Variants in SHOX observed in about 807,000 individuals in gnomAD.
SHOX encodes short stature homeobox protein.
In SHOX, 12 loss-of-function variants were observed where a neutral mutation model predicts 29.6. The ratio of observed to expected loss-of-function variants is 0.41; its 90% CI spans 0.26 to 0.66. The LOEUF (loss-of-function observed/expected upper bound fraction) is 0.66. Among genes scored for constraint, SHOX ranks in the 30% least tolerant of loss-of-function variants. The pLI is 0.35. For missense variants in SHOX, 499 were observed against 437.7 expected (o/e 1.14, Z -1.25); for synonymous variants, 214 against 200.6 (o/e 1.07, Z -0.57).
Position 625,613 on chromosome X carries a change from T to G in SHOX, c.-433+1011T>G, listed in dbSNP as rs1466234989. On this transcript the variant is annotated intron_variant, in intron 1 of 5. Transcript: ENST00000334060. ...CTTTCTCTCTCTCCTCTCTCTCTTTTTCTCTGTCTCTGTCTGTATCTCTAT... is the reference window on the plus strand; with the variant it reads ...CTTTCTCTCTCTCCTCTCTCTCTTTGTCTCTGTCTCTGTCTGTATCTCTAT... 1.1e-3 allele frequency among the ~76,000 whole-genome samples: 161 copies of G among 149,704 alleles called. 4 individuals are homozygous for G. The highest frequency in any genetic ancestry group is 6.3e-3 in the South Asian group (29 of 4,586).
chrX:628,583 CTG>C (rs1391455231), upstream of SHOX, among the ~76,000 whole-genome samples: 6 of 66,516 alleles, frequency 9.0e-5, no homozygotes, highest in Non-Finnish European at 2.0e-4. Context: ...CTCTCCCTGT[CTG>C]TGTCTCTCTT....
At chrX:636,251 AATAT>A (rs1210669171) in intron 2 of SHOX, among the ~76,000 whole-genome samples, 1 of 145,284 alleles carries the variant, frequency 6.9e-6, no homozygotes, top group Non-Finnish European at 1.5e-5. Context: ...AAACATATAT[AATAT>A]ATAAACATAA....
intron 1 of SHOX, chrX:624,694 C>CTCTT (rs768701203): frequency 1.0e-4 from 8 of 78,944 alleles, no homozygotes; most frequent in African/African-American, 4.6e-4. Context: ...TCCTCTCTTC[C>CTCTT]TCTTTCTTTT....
At chrX:640,696 C>A in intron 2 of SHOX, 125 bp from the exon 3 acceptor site, 1 of 1,017,284 alleles carries the variant, frequency 9.8e-7, no homozygotes, top group Non-Finnish European at 1.6e-6. Flanking sequence ...GGGCGCCCAC[C>A]ATCAGTCACC....
intron 1 of SHOX, 83 bp from the exon 2 acceptor site, chrX:634,535 C>T: frequency 6.8e-7 from 1 of 1,467,096 alleles, no homozygotes; most frequent in Non-Finnish European, 9.4e-7. Context: ...GGCCCCCTTT[C>T]CACCGCGGGA....
At chrX:626,813 TTC>T (rs1225133011), upstream of SHOX, among the ~76,000 whole-genome samples, 3 of 128,412 alleles carry the variant, frequency 2.3e-5, no homozygotes, top group African/African-American at 3.5e-5. Context: ...CTGTCTCTCT[TTC>T]TCTCTCTCCT....
At chrX:641,210 G>A (rs762407237) in intron 4 of SHOX, 123 bp downstream of exon 4, 15 of 972,906 alleles carry the variant, frequency 1.5e-5, no homozygotes, top group East Asian at 7.6e-5. Flanking sequence ...TTCTCAGCTG[G>A]CCCTTAGAAA....
chrX:645,776 G>A lies in SHOX; in HGVS notation c.*1140G>A, dbSNP rs2124197741. The A allele has an allele frequency of 6.6e-6, 1 of 152,344 alleles. No homozygotes were observed. Among genetic ancestry groups the A allele is most frequent in the African/African-American group, 2.4e-5 (1 of 41,574 alleles). The allele number at this position is 152,344 out of a possible 1,614,324, so 9.4% of individuals were successfully genotyped here. A position where few individuals can be genotyped will look rare whatever the true frequency, so the allele number is the denominator to read the frequency against. On this transcript the variant is annotated 3_prime_UTR_variant, in exon 5 of 5. Coordinates refer to ENST00000686671, the MANE Select transcript of SHOX (RefSeq NM_000451.4). ...TCAGTTTGGTACCTGAGCTGTTTCT[G>A]GTTGGGAAGCGTAAAAGCCAGGGAG...
intron 1 of SHOX, 68 bp downstream of exon 1, chrX:631,242 C>A: frequency 6.4e-7 from 1 of 1,567,310 alleles, no homozygotes; most frequent in South Asian, 1.1e-5. Context: ...GCCACGGAGT[C>A]GGCCCCGCGC....
intron 4 of SHOX, among the ~76,000 whole-genome samples, chrX:642,135 G>A (rs1048000695): frequency 1.4e-4 from 22 of 152,330 alleles, no homozygotes; most frequent in African/African-American, 5.3e-4. Flanking sequence ...GGGATGGGGG[G>A]AAGCGGGGAG....
At chrX:655,963 A>G (rs998746351), downstream of SHOX, among the ~76,000 whole-genome samples, 1 of 151,868 alleles carries the variant, frequency 6.6e-6, no homozygotes, top group Non-Finnish European at 1.5e-5. Context: ...GGATCACTTG[A>G]GCCCAGGAGT....
upstream of SHOX, among the ~76,000 whole-genome samples, chrX:630,124 T>C (rs2052620124): frequency 6.6e-6 from 1 of 151,996 alleles, no homozygotes; most frequent in Admixed American, 6.5e-5. Context: ...CCGGGGATCC[T>C]CGGCCTCCGC....
At chrX:630,559 G>A, upstream of SHOX, 1 of 450,220 alleles carries the variant, frequency 2.2e-6, no homozygotes. Context: ...CTGCGCGCGC[G>A]CTCTCCCTTC....
chrX:631,718 G>A (rs772391605), intron 1 of SHOX, among the ~76,000 whole-genome samples: 2 of 152,194 alleles, frequency 1.3e-5, no homozygotes, highest in Admixed American at 1.3e-4. Flanking sequence ...TTTTAGTAAA[G>A]ACGGGGATTC....
intron 4 of SHOX, among the ~76,000 whole-genome samples, chrX:642,453 A>G (rs1360390689): frequency 6.6e-6 from 1 of 152,180 alleles, no homozygotes; most frequent in African/African-American, 2.4e-5. Context: ...GTATAAACGT[A>G]TAAATCATAA....
chrX:656,496 C>T (rs762782210), downstream of SHOX, among the ~76,000 whole-genome samples: 59 of 152,178 alleles, frequency 3.9e-4, no homozygotes, highest in African/African-American at 1.4e-3. Flanking sequence ...TGCTTGAGCC[C>T]AGGAGTTCAA....
rs776065380 is a variant in SHOX at position 634,231 on chromosome X, G to A, written c.278-387G>A. Among the ~76,000 whole-genome samples the A allele has an allele frequency of 9.9e-5, 15 of 152,270 alleles. No homozygotes were observed. In the East Asian group the frequency reaches 2.5e-3, roughly 26 times the overall value. ...CTGCAACCCGCCCCGGGTCCTCCCC[G>A]TGTCCTTCCCGGGCGTCCCGCCGGG... On this transcript the variant is annotated intron_variant, in intron 1 of 4. Coordinates refer to ENST00000686671, the MANE Select transcript of SHOX (RefSeq NM_000451.4).
At position 634,710 on chromosome X, in the gene SHOX, T is replaced by C; in HGVS notation, c.370T>C (p.Phe124Leu). The change falls in exon 2 of 5, where the codon TTC becomes CTC. Residue 124 changes from phenylalanine to leucine, a missense_variant. Coordinates refer to ENST00000686671, the MANE Select transcript of SHOX (RefSeq NM_000451.4). ...GAAACAGAGGCGCAGCCGCACCAAC[T>C]TCACGCTGGAGCAGCTGAACGAGCT... The part of the protein sequence containing the change: ...KLKQRRSRTN[F>L]TLEQLNELER... The C allele has an allele frequency of 6.2e-7, 1 of 1,613,794 alleles. No homozygotes were observed. The highest frequency in any genetic ancestry group is 8.5e-7 in the Non-Finnish European group (1 of 1,179,834).
chrX:636,361 T>TAAATATATAAACATAC (rs2052751122), intron 2 of SHOX, among the ~76,000 whole-genome samples: 2 of 142,058 alleles, frequency 1.4e-5, no homozygotes, highest in Non-Finnish European at 3.0e-5. Flanking sequence ...TATAAACATA[T>TAAATATATAAACATAC]ATAAATATAT....
Sources: gnomAD v4.1 joint callset for allele counts (sites outside exome capture counted in the v4.1 genomes callset) on GRCh38, gnomAD v4.1.1 for gene constraint, MANE v1.5 for transcripts, NCBI Gene and HGNC (gene_info 2026-07-23, HGNC 2026-07-21) for gene names.